The following CEP83 variants were observed in gnomAD, a reference collection of about 807,000 sequenced individuals.
The protein encoded by CEP83 is centrosomal protein of 83 kDa.
In CEP83, 70 loss-of-function variants were observed where a neutral mutation model predicts 101.9. The ratio of observed to expected loss-of-function variants is 0.69; its 90% CI spans 0.57 to 0.84. The LOEUF (loss-of-function observed/expected upper bound fraction) is 0.84, where lower values mean the gene tolerates loss of function less well. Ranked by LOEUF, CEP83 falls within the 40% of genes least tolerant of loss-of-function variation. CEP83 has a pLI of 0.00. For synonymous variants in CEP83, 264 were observed against 267.9 expected, an observed-to-expected ratio of 0.99 and a Z score of 0.14; for missense variants, 715 against 787.2, an observed-to-expected ratio of 0.91 and a Z score of 1.10.
chr12:94,414,508 T>C lies in CEP83; in HGVS notation c.-101-1917A>G, dbSNP rs145342360. Among the ~76,000 whole-genome samples, 287 of 152,328 alleles carry C rather than the reference T, an allele frequency of 1.9e-3. 1 individual carries two copies. The highest frequency in any genetic ancestry group is 6.7e-3 in the African/African-American group (278 of 41,572). Reference sequence around the variant, plus strand: ...ACTCACTGAAGGCTCAGGTGATCAATAGCATTTTTTAGCAACAAAGTACTT... The same window carrying C: ...ACTCACTGAAGGCTCAGGTGATCAACAGCATTTTTTAGCAACAAAGTACTT... On this transcript the variant is annotated intron_variant, in intron 2 of 16. Coordinates refer to ENST00000397809, the MANE Select transcript of CEP83 (RefSeq NM_016122.3).
At chr12:94,376,690 T>TACACACACACACACACACAC (rs533315599) in intron 7 of CEP83, among the ~76,000 whole-genome samples, 1 of 117,390 alleles carries the variant, frequency 8.5e-6, no homozygotes, top group East Asian at 2.4e-4. Flanking sequence ...TATACATATA[T>TACACACACACACACACACAC]ACACACACAC....
intron 6 of CEP83, among the ~76,000 whole-genome samples, chr12:94,385,471 T>C (rs984024346): frequency 6.6e-6 from 1 of 152,138 alleles, no homozygotes; most frequent in Non-Finnish European, 1.5e-5. Flanking sequence ...TGGCAGAGGA[T>C]GGGAGCCCTT....
the CEP83 span, among the ~76,000 whole-genome samples, chr12:94,286,931 T>A: frequency 6.6e-6 from 1 of 152,142 alleles, no homozygotes; most frequent in East Asian, 1.9e-4. Flanking sequence ...TAGCATCTCA[T>A]GGACTAGATG....
chr12:94,456,209 G>A (rs756072629), intron 1 of CEP83, among the ~76,000 whole-genome samples: 1 of 152,178 alleles, frequency 6.6e-6, no homozygotes, highest in Non-Finnish European at 1.5e-5. Context: ...CTGAAGAATA[G>A]TGCCAGCATT....
At chr12:94,406,906 G>A (rs1172773860) in intron 4 of CEP83, among the ~76,000 whole-genome samples, 1 of 148,292 alleles carries the variant, frequency 6.7e-6, no homozygotes, top group Non-Finnish European at 1.5e-5. Flanking sequence ...CAGCCTGGGC[G>A]ACACAGAGAG....
chr12:94,311,471 G>T (rs962615162), intron 15 of CEP83, among the ~76,000 whole-genome samples: 12 of 152,100 alleles, frequency 7.9e-5, no homozygotes, highest in Non-Finnish European at 2.9e-5. Flanking sequence ...ATTCTGAAGT[G>T]GGGGGCAGTC....
At chr12:94,304,143 C>G, downstream of CEP83, 2 of 809,676 alleles carry the variant, frequency 2.5e-6, no homozygotes, top group Non-Finnish European at 3.9e-6. Flanking sequence ...GCTCTGGCAT[C>G]CCAAAAGGCC....
chr12:94,379,257 T>G (rs1313386849), intron 6 of CEP83, among the ~76,000 whole-genome samples: 2 of 152,184 alleles, frequency 1.3e-5, no homozygotes, highest in African/African-American at 4.8e-5. Flanking sequence ...TCCCTGTATC[T>G]CCACGTGGTG....
intron 11 of CEP83, among the ~76,000 whole-genome samples, chr12:94,351,244 A>G (rs1230616524): frequency 6.6e-6 from 1 of 152,072 alleles, no homozygotes; most frequent in Non-Finnish European, 1.5e-5. Flanking sequence ...ACATGTGTAA[A>G]CCTAGCTACA....
chr12:94,295,143 C>T, the CEP83 span, among the ~76,000 whole-genome samples: 1 of 152,232 alleles, frequency 6.6e-6, no homozygotes, highest in African/African-American at 2.4e-5. Context: ...AGACAATCAG[C>T]TCTCAGCCCT....
chr12:94,423,658 C>A, intron 2 of CEP83: 1 of 1,561,288 alleles, frequency 6.4e-7, no homozygotes, highest in Non-Finnish European at 8.7e-7. Flanking sequence ...GGTCTCCATT[C>A]CTGGTTAACC....
intron 12 of CEP83, among the ~76,000 whole-genome samples, chr12:94,335,220 T>C (rs937771956): frequency 2.0e-5 from 3 of 152,142 alleles, no homozygotes; most frequent in Admixed American, 2.0e-4. Flanking sequence ...AAATACCTCA[T>C]GATATAAAGT....
chr12:94,324,906 A>C (rs1405484211), intron 14 of CEP83, among the ~76,000 whole-genome samples: 1 of 152,168 alleles, frequency 6.6e-6, no homozygotes, highest in East Asian at 1.9e-4. Flanking sequence ...TTAACTGAGA[A>C]TAAAAGCTGA....
chr12:94,450,150 C>A (rs1024107594), intron 1 of CEP83, among the ~76,000 whole-genome samples: 2 of 152,028 alleles, frequency 1.3e-5, no homozygotes, highest in African/African-American at 4.8e-5. Context: ...GAGGGTCTAA[C>A]CCAAGAATTA....
At chr12:94,310,171 A>C (rs1475171836) in intron 15 of CEP83, 64 bp from the exon 16 acceptor site, 1 of 677,302 alleles carries the variant, frequency 1.5e-6, no homozygotes, top group African/African-American at 1.8e-5. Context: ...AGTATGATTC[A>C]CAGAATATAA....
chr12:94,449,759 C>G (rs1336057856), intron 1 of CEP83, among the ~76,000 whole-genome samples: 1 of 103,804 alleles, frequency 9.6e-6, no homozygotes, highest in African/African-American at 3.8e-5. Flanking sequence ...GGTCACAGAG[C>G]AAGAGTCTGT....
chr12:94,348,904 C>T (rs2060071365), intron 11 of CEP83, among the ~76,000 whole-genome samples: 1 of 152,138 alleles, frequency 6.6e-6, no homozygotes, highest in Non-Finnish European at 1.5e-5. Context: ...GACCTCTTGC[C>T]AACTGACTAT....
chr12:94,397,487 G>A (rs2062974085), intron 6 of CEP83, among the ~76,000 whole-genome samples: 1 of 141,064 alleles, frequency 7.1e-6, no homozygotes, highest in Non-Finnish European at 1.5e-5. Context: ...GACAGAGCAA[G>A]ACTCCATCTC....
downstream of CEP83, chr12:94,305,254 T>A (rs1180322532): frequency 6.2e-7 from 1 of 1,610,962 alleles, no homozygotes; most frequent in South Asian, 1.1e-5. Context: ...AAAGTCTTAT[T>A]TGATGAAAAG....
Sources: allele counts gnomAD v4.1 joint callset (sites outside exome capture counted in the v4.1 genomes callset), GRCh38; gene constraint gnomAD v4.1.1; transcripts MANE v1.5; gene names NCBI Gene and HGNC (gene_info 2026-07-23, HGNC 2026-07-21).